Variants in USP33 observed in about 807,000 individuals in gnomAD.
The protein encoded by USP33 is ubiquitin specific peptidase 33.
A neutral mutation model predicts 124.2 loss-of-function variants in USP33; 46 were observed. The observed-to-expected ratio is 0.37, with a 90% CI of 0.29 to 0.47. The LOEUF (loss-of-function observed/expected upper bound fraction) is 0.47, where lower values mean the gene tolerates loss of function less well. USP33 is among the 20% of genes least tolerant of loss of function. USP33 has a pLI of 0.99. For missense variants in USP33, 851 were observed against 1,070.6 expected (o/e 0.79, Z 2.86); for synonymous variants, 350 against 352.3 (o/e 0.99, Z 0.07).
Position 77,721,178 on chromosome 1 carries a change from C to T in USP33, c.1685G>A (p.Cys562Tyr). ...KGDNMYSCEK[C>Y]KKLRNGVKFC... ...CACTGTCAATGTCACTTACTTTTTG[C>T]ATTTTTCACAACTGTACATATTGTC... Residue 562 changes from cysteine to tyrosine, a missense_variant, in exon 15 of 24, where the codon TGC becomes TAC. Around this residue, in one of 4 missense-constraint regions of USP33, gnomAD observed 281 missense variants for 425.0 expected, o/e 0.66. Coordinates refer to ENST00000370794, the MANE Select transcript of USP33 (RefSeq NM_201624.3). 2 of 1,613,262 alleles carry T rather than the reference C, an allele frequency of 1.2e-6. No homozygotes were observed. Among genetic ancestry groups the T allele is most frequent in the South Asian group, 1.1e-5 (1 of 90,900 alleles).
intron 8 of USP33, 30 bp from the exon 9 acceptor site, chr1:77,729,968 T>G (rs1304769403): frequency 6.4e-7 from 1 of 1,552,494 alleles, no homozygotes; most frequent in Non-Finnish European, 8.7e-7. Flanking sequence ...TAAAGAGCAA[T>G]TTTTGTTATT....
chr1:77,732,532 A>C (rs1310826123), intron 7 of USP33, among the ~76,000 whole-genome samples: 1 of 152,134 alleles, frequency 6.6e-6, no homozygotes, highest in Admixed American at 6.6e-5. Flanking sequence ...CTACTACACA[A>C]ACACTTCAAT....
chr1:77,742,966 G>A (rs1328006405), intron 1 of USP33, among the ~76,000 whole-genome samples: 1 of 150,648 alleles, frequency 6.6e-6, no homozygotes, highest in Non-Finnish European at 1.5e-5. Flanking sequence ...TTTTGAGACA[G>A]AGTTTCACTC....
intron 21 of USP33, among the ~76,000 whole-genome samples, chr1:77,710,942 C>T (rs1257457948): frequency 6.6e-6 from 1 of 151,942 alleles, no homozygotes; most frequent in South Asian, 2.1e-4. Context: ...GCCCATAAAA[C>T]CTGGTTGTTC....
intron 21 of USP33, among the ~76,000 whole-genome samples, chr1:77,707,792 G>A (rs534435367): frequency 3.9e-5 from 6 of 152,054 alleles, no homozygotes; most frequent in Non-Finnish European, 7.4e-5. Flanking sequence ...CTTGCTCCAC[G>A]TACATATTTA....
At chr1:77,737,420 G>C (rs920355370) in intron 5 of USP33, among the ~76,000 whole-genome samples, 2 of 152,104 alleles carry the variant, frequency 1.3e-5, no homozygotes, top group African/African-American at 4.8e-5. Context: ...GAAGTACAGA[G>C]GCTTAAATCA....
intron 10 of USP33, among the ~76,000 whole-genome samples, chr1:77,726,639 C>T (rs537094154): frequency 1.7e-4 from 22 of 130,380 alleles, no homozygotes; most frequent in Non-Finnish European, 3.2e-4. Flanking sequence ...GAATGAGACC[C>T]TGTTTCAGGA....
At chr1:77,708,168 T>C (rs1674838590) in intron 21 of USP33, among the ~76,000 whole-genome samples, 1 of 152,228 alleles carries the variant, frequency 6.6e-6, no homozygotes, top group African/African-American at 2.4e-5. Context: ...CTATTATCTG[T>C]TAATGAACAT....
intron 21 of USP33, among the ~76,000 whole-genome samples, chr1:77,708,446 A>ATTGT (rs1674873268): frequency 6.6e-6 from 1 of 152,224 alleles, no homozygotes; most frequent in Admixed American, 6.5e-5. Context: ...TAACATCTTT[A>ATTGT]ACAGCAGCAT....
rs929826413 is a variant in USP33 at position 77,759,787 on chromosome 1, C to G, written c.-196G>C. 4.0e-5 allele frequency: 16 copies of G among 397,742 alleles called. No individual in the cohort carries two copies. Among genetic ancestry groups the G allele is most frequent in the African/African-American group, 3.1e-4 (15 of 48,608 alleles). The allele number at this position is 397,742 out of a possible 1,614,324, so 24.6% of individuals were successfully genotyped here. On this transcript the variant is annotated 5_prime_UTR_variant, in exon 1 of 24. Coordinates refer to ENST00000370794, the MANE Select transcript of USP33 (RefSeq NM_201624.3). Reference sequence around the variant, plus strand: ...CCGGAAAACGGCCCCGCAGCGCTGCCCTCGGGGGGTCCGCCTCCTGAACTG... The same window carrying G: ...CCGGAAAACGGCCCCGCAGCGCTGCGCTCGGGGGGTCCGCCTCCTGAACTG...
chr1:77,736,004 C>CT, intron 6 of USP33, 52 bp downstream of exon 6: 2 of 1,299,072 alleles, frequency 1.5e-6, no homozygotes, highest in Non-Finnish European at 2.1e-6. Context: ...ATATGGTTTT[C>CT]TAAAGAAATG....
chr1:77,697,947 T>C lies in USP33; in HGVS notation c.2510-16A>G. ...CCTGGAGGATCTAAAGGAAAAAATATCAAAATGTATTTTTCAAAGAAATGT... is the reference window on the plus strand; with the variant it reads ...CCTGGAGGATCTAAAGGAAAAAATACCAAAATGTATTTTTCAAAGAAATGT... On this transcript the variant is annotated splice_polypyrimidine_tract_variant and intron_variant, in intron 22 of 23. Coordinates refer to ENST00000370794, the MANE Select transcript of USP33 (RefSeq NM_201624.3). The C allele has an allele frequency of 6.3e-7, 1 of 1,582,886 alleles. No homozygotes were observed. Among genetic ancestry groups the C allele is most frequent in the Non-Finnish European group, 8.6e-7 (1 of 1,167,722 alleles).
chr1:77,724,515 T>C (rs183053290), intron 11 of USP33, among the ~76,000 whole-genome samples: 26 of 152,308 alleles, frequency 1.7e-4, no homozygotes, highest in Admixed American at 1.4e-3. Context: ...AACTCCCATA[T>C]ATACCTGGAA....
chr1:77,752,352 T>A lies in USP33; in HGVS notation c.-52+7291A>T, dbSNP rs540143431. ...CGGAGTTTCACCGTGTTACCCAGAC[T>A]GGTCTCAAACTTCTGGCCTCAAGTG... On this transcript the variant is annotated intron_variant, in intron 1 of 23. Transcript: ENST00000370794. Among the ~76,000 whole-genome samples, 177 of 151,290 alleles carry A rather than the reference T, an allele frequency of 1.2e-3. 1 individual carries two copies. Among genetic ancestry groups the A allele is most frequent in the African/African-American group, 4.2e-3 (172 of 41,224 alleles).
intron 9 of USP33, among the ~76,000 whole-genome samples, chr1:77,729,404 C>T (rs1450670678): frequency 6.7e-6 from 1 of 150,136 alleles, no homozygotes; most frequent in Admixed American, 6.7e-5. Context: ...GAGTACAGTG[C>T]CTCATGCCTG....
At chr1:77,750,802 A>C (rs1309138118) in intron 1 of USP33, among the ~76,000 whole-genome samples, 1 of 152,140 alleles carries the variant, frequency 6.6e-6, no homozygotes, top group African/African-American at 2.4e-5. Context: ...TTCTTTGCCT[A>C]GTTTTACTCA....
intron 17 of USP33, among the ~76,000 whole-genome samples, chr1:77,716,166 C>G (rs566100798): frequency 1.3e-3 from 205 of 152,294 alleles, no homozygotes; most frequent in African/African-American, 4.8e-3. Context: ...TCAAGCTATC[C>G]TCTTGCCTCA....
intron 5 of USP33, among the ~76,000 whole-genome samples, chr1:77,737,230 A>G (rs915856649): frequency 6.6e-6 from 1 of 152,200 alleles, no homozygotes; most frequent in African/African-American, 2.4e-5. Context: ...TGGTTCTCCA[A>G]GTTATTATAG....
intron 1 of USP33, among the ~76,000 whole-genome samples, chr1:77,758,117 A>C (rs1680970261): frequency 6.6e-6 from 1 of 151,296 alleles, no homozygotes; most frequent in African/African-American, 2.4e-5. Context: ...TAAGTAGACT[A>C]TCCCTCTTGC....
Sources: allele counts gnomAD v4.1 joint callset (sites outside exome capture counted in the v4.1 genomes callset), GRCh38; gene constraint gnomAD v4.1.1; regional missense constraint gnomAD v4.1.1; transcripts MANE v1.5; gene names NCBI Gene and HGNC (gene_info 2026-07-23, HGNC 2026-07-21).